Variants in SLC16A5 observed in about 807,000 individuals in gnomAD.
SLC16A5 encodes the protein monocarboxylate transporter 6.
SLC16A5 carries 29 observed loss-of-function variants against 33.2 expected under a neutral mutation model. The ratio of observed to expected loss-of-function variants is 0.87; its 90% CI spans 0.65 to 1.19. The LOEUF (loss-of-function observed/expected upper bound fraction) is 1.19. Among genes scored for constraint, SLC16A5 ranks in the 50% most tolerant of loss-of-function variants. The pLI is 0.00. For missense variants in SLC16A5, 606 were observed against 678.2 expected (o/e 0.89, Z 1.18); for synonymous variants, 248 against 284.1 (o/e 0.87, Z 1.28).
chr17:75,108,425 G>A (rs538653719), downstream of SLC16A5, among the ~76,000 whole-genome samples: 4 of 152,330 alleles, frequency 2.6e-5, no homozygotes, highest in South Asian at 8.3e-4. Context: ...CTGCCTCAGA[G>A]GGTGTACATA....
intron 2 of SLC16A5, among the ~76,000 whole-genome samples, chr17:75,091,270 G>A (rs377548922): frequency 4.6e-5 from 7 of 152,228 alleles, no homozygotes; most frequent in African/African-American, 7.2e-5. Context: ...GCAACACAGA[G>A]GATCAGGTGG....
At chr17:75,102,181 G>A (rs1413900200) in intron 5 of SLC16A5, among the ~76,000 whole-genome samples, 1 of 152,176 alleles carries the variant, frequency 6.6e-6, no homozygotes, top group Non-Finnish European at 1.5e-5. Flanking sequence ...GCCTCTGGGT[G>A]TGCATGGGGA....
chr17:75,109,462 C>T (rs1172333696), downstream of SLC16A5, among the ~76,000 whole-genome samples: 2 of 152,214 alleles, frequency 1.3e-5, no homozygotes, highest in Non-Finnish European at 2.9e-5. This position sits in a 1 kb window ranked among gnomAD's most constrained non-coding sequence, Gnocchi z 5.0. Flanking sequence ...GGGCCGCGCC[C>T]CCGCCAGCCG....
At chr17:75,107,298 C>A (rs1205969595), downstream of SLC16A5, among the ~76,000 whole-genome samples, 1 of 151,296 alleles carries the variant, frequency 6.6e-6, no homozygotes, top group Non-Finnish European at 1.5e-5. Flanking sequence ...CTTGTCCCCC[C>A]TTCCCAAAAA....
At chr17:75,106,980 C>T (rs1019326854), downstream of SLC16A5, among the ~76,000 whole-genome samples, 1 of 149,458 alleles carries the variant, frequency 6.7e-6, no homozygotes, top group African/African-American at 2.5e-5. Flanking sequence ...GCCTGGGCAA[C>T]ATAGAGACCC....
chr17:75,098,732 C>G (rs897553544), intron 4 of SLC16A5, among the ~76,000 whole-genome samples: 1 of 151,584 alleles, frequency 6.6e-6, no homozygotes, highest in Admixed American at 6.6e-5. Flanking sequence ...GGAGAAATAA[C>G]GAAGGAGAAG....
chr17:75,101,710 C>G (rs931889678), intron 5 of SLC16A5, among the ~76,000 whole-genome samples: 2 of 151,960 alleles, frequency 1.3e-5, no homozygotes, highest in Non-Finnish European at 2.9e-5. Flanking sequence ...TCACAGCTCA[C>G]TGCAGCCTCA....
At chr17:75,091,460 C>T (rs148018848) in intron 2 of SLC16A5, among the ~76,000 whole-genome samples, 58 of 152,258 alleles carry the variant, frequency 3.8e-4, no homozygotes, top group African/African-American at 1.3e-3. Flanking sequence ...AGCAGTGCTC[C>T]GCCTTGCACA....
At chr17:75,107,911 C>T (rs139330926), downstream of SLC16A5, among the ~76,000 whole-genome samples, 2,709 of 151,618 alleles carry the variant, frequency 0.018, 36 homozygotes, top group Non-Finnish European at 0.03. Context: ...CACTCCAACC[C>T]GGGTGACAGA....
intron 6 of SLC16A5, 51 bp downstream of exon 6, chr17:75,104,231 G>A: frequency 6.3e-7 from 1 of 1,593,158 alleles, no homozygotes; most frequent in South Asian, 1.1e-5. Flanking sequence ...ACCAGTGTCT[G>A]AGTCCTGGGA....
At chr17:75,092,430 C>T (rs1312280091) in intron 2 of SLC16A5, among the ~76,000 whole-genome samples, 3 of 150,692 alleles carry the variant, frequency 2.0e-5, no homozygotes, top group Non-Finnish European at 4.4e-5. Context: ...GATCTCAGCT[C>T]ACTGCAACCT....
chr17:75,093,871 T>G, intron 3 of SLC16A5, 36 bp downstream of exon 3: 1 of 1,594,904 alleles, frequency 6.3e-7, no homozygotes, highest in Non-Finnish European at 8.6e-7. Flanking sequence ...GAGAAAGTCC[T>G]AGGGGTTGCG....
intron 2 of SLC16A5, among the ~76,000 whole-genome samples, chr17:75,092,850 T>TGTGTGTGTGTGTGA (rs1555645060): frequency 1.3e-5 from 2 of 150,474 alleles, no homozygotes; most frequent in Admixed American, 6.6e-5. Context: ...TGTGTGTGTG[T>TGTGTGTGTGTGTGA]GTGTGTGTGT....
chr17:75,098,289 G>A lies in SLC16A5; in HGVS notation c.343+108G>A, dbSNP rs573371517. 8 of 1,440,674 alleles carry A rather than the reference G, an allele frequency of 5.6e-6. No individual in the cohort carries two copies. In the Admixed American group the frequency reaches 6.0e-5, roughly 11 times the overall value. 89.2% of individuals were successfully genotyped at this position (1,440,674 alleles called of 1,614,324 possible). ...AATCTTCTGGAACTGCTGGCTGGGT[G>A]CGGTGGCTCACACCTGTTATCCCAG... On this transcript the variant is annotated intron_variant, in intron 4 of 6. Transcript: ENST00000329783.
chr17:75,098,956 G>A (rs1233552540), intron 4 of SLC16A5, among the ~76,000 whole-genome samples: 3 of 152,052 alleles, frequency 2.0e-5, no homozygotes, highest in Non-Finnish European at 4.4e-5. Flanking sequence ...TAGTCACCTA[G>A]CAGGGCAGGC....
At chr17:75,108,678 G>T (rs1207465174), downstream of SLC16A5, among the ~76,000 whole-genome samples, 1 of 152,208 alleles carries the variant, frequency 6.6e-6, no homozygotes, top group East Asian at 1.9e-4. Context: ...GGTATTCAGG[G>T]AGGTAAAGGA....
chr17:75,100,045 G>A lies in SLC16A5; in HGVS notation c.382G>A (p.Val128Met). Reference protein sequence around the residue: ...MCFSFQSSITVLGFYFVRRRV... With the variant: ...MCFSFQSSITMLGFYFVRRRV... ...CTTCAGCTTCCAGTCAAGCATCACG[G>A]TGCTGGGCTTCTACTTTGTCCGCCG... Residue 128 changes from valine to methionine, a missense_variant, in exon 5 of 7, where the codon GTG (valine) becomes ATG (methionine). Transcript: ENST00000329783. 6.2e-7 allele frequency: 1 copy of A among 1,612,946 alleles called. No homozygotes were observed. Among genetic ancestry groups the A allele is most frequent in the Non-Finnish European group, 8.5e-7 (1 of 1,179,992 alleles).
rs756962697 is a variant in SLC16A5, at chr17:75,100,300, C to T, written c.637C>T (p.Leu213Phe). 5.0e-6 allele frequency: 8 copies of T among 1,614,110 alleles called. No homozygotes were observed. Among genetic ancestry groups the T allele is most frequent in the South Asian group, 3.3e-5 (3 of 91,088 alleles). ...CCCGCCACCTCCCGAGACACCTGCA[C>T]TTGGCTGCCTGGCTGCATGCGGCCG... ...CPPPPPETPA[L>F]GCLAACGRTI... The change falls in exon 5 of 7, where the codon CTT becomes TTT. Residue 213 changes from leucine to phenylalanine, a missense_variant. Physicochemically the swap from Leu to Phe is conservative, Grantham distance 22. Transcript: ENST00000329783.
rs781438955 is a variant in SLC16A5 at position 75,098,114 on chromosome 17, G to A, written c.276G>A (p.Leu92=). The A allele has an allele frequency of 3.1e-6, 5 of 1,612,306 alleles. No individual in the cohort carries two copies. Among genetic ancestry groups the A allele is most frequent in the South Asian group, 1.1e-5 (1 of 90,820 alleles). Residue 92 remains leucine, a synonymous_variant, in exon 4 of 7, where the codon CTG becomes CTA. Transcript: ENST00000329783. The part of the protein sequence containing the change: ...TVMLGGVLAS[L]GMVASSFSHN... Reference sequence around the variant, plus strand: ...TGCTGGGGGGCGTGCTGGCCAGCCTGGGCATGGTGGCCAGCTCCTTCTCTC... The same window carrying A: ...TGCTGGGGGGCGTGCTGGCCAGCCTAGGCATGGTGGCCAGCTCCTTCTCTC...
Sources: allele counts gnomAD v4.1 joint callset (sites outside exome capture counted in the v4.1 genomes callset), GRCh38; gene constraint gnomAD v4.1.1; non-coding constraint Gnocchi (gnomAD v3.1); transcripts MANE v1.5; gene names NCBI Gene and HGNC (gene_info 2026-07-23, HGNC 2026-07-21).